SCLT1: variants seen among roughly 807,000 people sequenced by gnomAD.
SCLT1 encodes the protein sodium channel-associated protein 1.
In SCLT1, 78 loss-of-function variants were observed where a neutral mutation model predicts 112.8. That is an observed-to-expected ratio of 0.69 (90% CI 0.58 to 0.83). SCLT1 has a LOEUF of 0.83. Among genes scored for constraint, SCLT1 ranks in the 40% least tolerant of loss-of-function variants. SCLT1 has a pLI of 0.00. For missense variants in SCLT1, 747 were observed against 770.4 expected, an observed-to-expected ratio of 0.97 and a Z score of 0.36; for synonymous variants, 257 against 254.7, an observed-to-expected ratio of 1.01 and a Z score of -0.09.
At chr4:128,957,160 T>TGAAA in intron 12 of SCLT1, 36 bp from the exon 13 acceptor site, 7 of 1,256,520 alleles carry the variant, frequency 5.6e-6, no homozygotes, top group Non-Finnish European at 8.0e-6. Flanking sequence ...ATAGATAACA[T>TGAAA]TATTATTAGT....
chr4:129,011,920 C>T (rs928180573), intron 5 of SCLT1, among the ~76,000 whole-genome samples: 1 of 151,998 alleles, frequency 6.6e-6, no homozygotes, highest in African/African-American at 2.4e-5. Context: ...TTTGAATCTT[C>T]TCTCTTTTCT....
chr4:128,899,273 C>T (rs1734062723), intron 18 of SCLT1, among the ~76,000 whole-genome samples: 1 of 152,164 alleles, frequency 6.6e-6, no homozygotes, highest in Non-Finnish European at 1.5e-5. Context: ...CAAAAATCCT[C>T]AATAAAATAC....
At chr4:128,883,154 CAA>C (rs1476080663), downstream of SCLT1, among the ~76,000 whole-genome samples, 19 of 37,514 alleles carry the variant, frequency 5.1e-4, no homozygotes, top group African/African-American at 1.3e-3. Context: ...ACAACAACAA[CAA>C]CAAAAAAAAA....
At chr4:129,033,502 TAAAAA>T (rs56325033) in intron 5 of SCLT1, among the ~76,000 whole-genome samples, 196 of 44,312 alleles carry the variant, frequency 4.4e-3, no homozygotes, top group African/African-American at 0.015. Flanking sequence ...GAACTTAAAG[TAAAAA>T]AAAAAAAAAA....
At chr4:128,910,174 T>C (rs777407976) in intron 18 of SCLT1, among the ~76,000 whole-genome samples, 1 of 152,208 alleles carries the variant, frequency 6.6e-6, no homozygotes, top group African/African-American at 2.4e-5. Context: ...TTTAGTTAGA[T>C]TTTGCTACAT....
chr4:128,996,434 C>T (rs558860046), intron 8 of SCLT1, among the ~76,000 whole-genome samples: 3 of 152,140 alleles, frequency 2.0e-5, no homozygotes, highest in Admixed American at 6.5e-5. Flanking sequence ...TTCGTGTAAT[C>T]AGAAAATTTT....
intron 9 of SCLT1, among the ~76,000 whole-genome samples, chr4:128,985,440 T>C (rs1045866347): frequency 1.1e-4 from 16 of 152,232 alleles, no homozygotes; most frequent in African/African-American, 3.4e-4. Context: ...GAGTGTGAAG[T>C]AGTATCATGT....
intron 9 of SCLT1, among the ~76,000 whole-genome samples, chr4:128,973,800 A>G (rs1740913186): frequency 6.6e-6 from 1 of 152,202 alleles, no homozygotes; most frequent in African/African-American, 2.4e-5. Flanking sequence ...TCACTAAACC[A>G]CAAATACTAT....
At chr4:128,984,205 C>G (rs1269905349) in intron 9 of SCLT1, among the ~76,000 whole-genome samples, 2 of 152,176 alleles carry the variant, frequency 1.3e-5, no homozygotes, top group African/African-American at 4.8e-5. Flanking sequence ...CTAATGTCCA[C>G]ACTAAATGAA....
chr4:128,985,909 G>A lies in SCLT1; in HGVS notation c.686+6258C>T, dbSNP rs561877360. 5.8e-4 allele frequency among the ~76,000 whole-genome samples: 88 copies of A among 152,250 alleles called. 1 individual carries two copies. Among genetic ancestry groups the A allele is most frequent in the African/African-American group, 2.1e-3 (86 of 41,550 alleles). On this transcript the variant is annotated intron_variant, in intron 9 of 20. Coordinates refer to ENST00000281142, the MANE Select transcript of SCLT1 (RefSeq NM_144643.4). ...CTCGATTAAGAAATATTTCTCTAAG[G>A]AGAGGAAGCAGAGCAAGATGGCTGA...
intron 5 of SCLT1, among the ~76,000 whole-genome samples, chr4:129,010,357 C>T (rs1221114191): frequency 2.6e-5 from 4 of 152,098 alleles, no homozygotes; most frequent in African/African-American, 4.8e-5. Context: ...ATGATGTCTC[C>T]AGCTTTCTTA....
chr4:128,901,399 T>C (rs1478970874), intron 18 of SCLT1, among the ~76,000 whole-genome samples: 2 of 152,060 alleles, frequency 1.3e-5, no homozygotes, highest in Admixed American at 6.6e-5. Flanking sequence ...GAAACCATCA[T>C]TCTCAGCAAA....
downstream of SCLT1, among the ~76,000 whole-genome samples, chr4:128,882,912 C>T (rs527718726): frequency 1.2e-4 from 18 of 151,918 alleles, no homozygotes; most frequent in African/African-American, 4.1e-4. Context: ...TTCGGGAGGC[C>T]GAGGCGGGCA....
chr4:129,022,940 C>T (rs1320345813), intron 5 of SCLT1, among the ~76,000 whole-genome samples: 1 of 152,192 alleles, frequency 6.6e-6, no homozygotes. Flanking sequence ...AGACTAACAG[C>T]AGATCTCTCT....
chr4:129,052,407 T>G (rs893589966), intron 2 of SCLT1, among the ~76,000 whole-genome samples: 3 of 152,200 alleles, frequency 2.0e-5, no homozygotes, highest in Admixed American at 2.0e-4. Flanking sequence ...TCAGAATTTG[T>G]TTTTGGTCTA....
chr4:128,898,051 T>C (rs973008896), intron 18 of SCLT1, among the ~76,000 whole-genome samples: 7 of 152,102 alleles, frequency 4.6e-5, no homozygotes, highest in Non-Finnish European at 8.8e-5. Context: ...CAAAGAGACT[T>C]AGACTCCCGC....
chr4:129,026,480 T>C lies in SCLT1; in HGVS notation c.290+12561A>G, dbSNP rs373048104. Among the ~76,000 whole-genome samples the C allele has an allele frequency of 2.9e-4, 44 of 151,996 alleles. No homozygotes were observed. The East Asian group carries it at 3.9e-3, about 13-fold the overall frequency. ...GTAAATAATGAAATGAAGGCAGAAA[T>C]AAAGATGTTCTTTGAAACCAACGAG... On this transcript the variant is annotated intron_variant, in intron 5 of 20. Transcript: ENST00000281142.
intron 18 of SCLT1, among the ~76,000 whole-genome samples, chr4:128,899,245 C>G (rs1205235803): frequency 6.6e-6 from 1 of 152,188 alleles, no homozygotes; most frequent in African/African-American, 2.4e-5. Flanking sequence ...AGACCAATAT[C>G]CCTGATGAAC....
At chr4:129,002,532 TA>T (rs1743596634) in intron 6 of SCLT1, among the ~76,000 whole-genome samples, 2 of 152,084 alleles carry the variant, frequency 1.3e-5, no homozygotes, top group Non-Finnish European at 2.9e-5. Context: ...TTTTTTCCTT[TA>T]AAAATTTTCA....
Sources: gnomAD v4.1 joint callset for allele counts (sites outside exome capture counted in the v4.1 genomes callset) on GRCh38, gnomAD v4.1.1 for gene constraint, MANE v1.5 for transcripts, NCBI Gene and HGNC (gene_info 2026-07-23, HGNC 2026-07-21) for gene names.